Variants in SPAG17 observed in about 807,000 individuals in gnomAD.
SPAG17 encodes the protein sperm associated antigen 17.
SPAG17 carries 169 observed loss-of-function variants against 273.6 expected under a neutral mutation model. The observed-to-expected ratio is 0.62, with a 90% CI of 0.55 to 0.70. The LOEUF (loss-of-function observed/expected upper bound fraction) is 0.70. Ranked by LOEUF, SPAG17 falls within the 30% of genes least tolerant of loss-of-function variation. The pLI is 0.00. For synonymous variants in SPAG17, 825 were observed against 873.2 expected, an observed-to-expected ratio of 0.94 and a Z score of 0.97; for missense variants, 2,557 against 2,627.8, an observed-to-expected ratio of 0.97 and a Z score of 0.59.
At chr1:118,069,344 C>CAAAAAAAAAAA (rs563980015) in intron 17 of SPAG17, among the ~76,000 whole-genome samples, 3 of 86,174 alleles carry the variant, frequency 3.5e-5, no homozygotes, top group Admixed American at 1.2e-4. Context: ...GACTCCGTCT[C>CAAAAAAAAAAA]AAAAAAAAAA....
At chr1:118,021,164 T>C (rs1660460201) in intron 28 of SPAG17, among the ~76,000 whole-genome samples, 1 of 152,198 alleles carries the variant, frequency 6.6e-6, no homozygotes, top group Admixed American at 6.5e-5. Flanking sequence ...ATATTATCTA[T>C]AATATTTCAT....
At chr1:117,972,424 G>C (rs750670941) in intron 44 of SPAG17, among the ~76,000 whole-genome samples, 122 of 152,240 alleles carry the variant, frequency 8.0e-4, no homozygotes, top group Non-Finnish European at 6.0e-4. Context: ...TTTACCCCCA[G>C]AGTTTTTCAT....
At chr1:117,973,335 C>T (rs968828075) in intron 44 of SPAG17, 90 bp downstream of exon 44, 2 of 1,492,012 alleles carry the variant, frequency 1.3e-6, no homozygotes, top group South Asian at 1.3e-5. Flanking sequence ...ATAAAATCTA[C>T]AAAAGGAGCA....
In SPAG17 at chr1:118,016,110, T is replaced by A. The variant is rs1283944005; in HGVS notation, c.4142A>T (p.Gln1381Leu). Residue 1381 changes from glutamine (Q) to leucine (L), a missense_variant, in exon 29 of 49, where the codon CAA becomes CTA. Transcript: ENST00000336338. Reference protein sequence around the residue: ...EIHDPPPEAVQTVTPVEVHIG... With the variant: ...EIHDPPPEAVLTVTPVEVHIG... Reference sequence around the variant, plus strand: ...GTGAACCTCCACAGGAGTTACAGTTTGAACTGCCTCTGGAGGAGGGTCATG... The same window carrying A: ...GTGAACCTCCACAGGAGTTACAGTTAGAACTGCCTCTGGAGGAGGGTCATG... The A allele has an allele frequency of 1.2e-6, 2 of 1,614,100 alleles. No individual in the cohort carries two copies. Among genetic ancestry groups the A allele is most frequent in the East Asian group, 4.5e-5 (2 of 44,878 alleles).
At chr1:118,092,285 T>C (rs1034221859) in intron 8 of SPAG17, among the ~76,000 whole-genome samples, 1 of 152,156 alleles carries the variant, frequency 6.6e-6, no homozygotes, top group East Asian at 1.9e-4. Context: ...CAGGTTTTTC[T>C]TTTTTCCCCT....
At chr1:118,094,525 G>A (rs149646170) in intron 7 of SPAG17, among the ~76,000 whole-genome samples, 12 of 152,244 alleles carry the variant, frequency 7.9e-5, no homozygotes, top group East Asian at 3.9e-4. Context: ...AATGCTTTCC[G>A]CCAATCAAAG....
intron 1 of SPAG17, among the ~76,000 whole-genome samples, chr1:118,174,804 G>T (rs929344493): frequency 6.6e-6 from 1 of 152,072 alleles, no homozygotes; most frequent in Admixed American, 6.6e-5. Context: ...GAAGGCACTG[G>T]GATGATATAT....
intron 23 of SPAG17, among the ~76,000 whole-genome samples, chr1:118,037,647 C>T (rs1241252839): frequency 2.0e-5 from 3 of 152,128 alleles, no homozygotes; most frequent in East Asian, 1.9e-4. Context: ...TAATGGCCTC[C>T]GCTGCATCCA....
At chr1:118,148,660 C>T (rs2102343558) in intron 3 of SPAG17, among the ~76,000 whole-genome samples, 1 of 152,328 alleles carries the variant, frequency 6.6e-6, no homozygotes, top group African/African-American at 2.4e-5. Flanking sequence ...CCCCACCCGA[C>T]CCAGAAGCCT....
At position 118,036,984 on chromosome 1, in the gene SPAG17, C is replaced by T. The variant is rs549947305; in HGVS notation, c.3320-101G>A. On this transcript the variant is annotated intron_variant, in intron 23 of 48. Coordinates refer to ENST00000336338, the MANE Select transcript of SPAG17 (RefSeq NM_206996.4). The stretch of plus-strand genomic sequence containing the variant: ...GGGAATGGAGTTCATAGCTGCTCTA[C>T]CACAATCAACTTAAAAAATAATTGG... 2.2e-4 allele frequency: 163 copies of T among 754,514 alleles called. 3 individuals carry two copies. The South Asian group carries it at 2.8e-3, about 13-fold the overall frequency. The allele number at this position is 754,514 out of a possible 1,614,324, so 46.7% of individuals were successfully genotyped here.
At chr1:118,018,685 A>T (rs537486182) in intron 28 of SPAG17, among the ~76,000 whole-genome samples, 4 of 151,744 alleles carry the variant, frequency 2.6e-5, no homozygotes, top group African/African-American at 9.7e-5. Context: ...AAAAAAAAAA[A>T]TTGCTGAGCA....
rs1653912429 is a variant in SPAG17 at position 118,074,545 on chromosome 1, A to G, written c.2265T>C (p.His755=). The G allele has an allele frequency of 1.2e-6, 2 of 1,613,230 alleles. No homozygotes were observed. The highest frequency in any genetic ancestry group is 1.3e-5 in the African/African-American group (1 of 75,000). Residue 755 remains histidine (H), a synonymous_variant, in exon 16 of 49, where the codon CAT becomes CAC. Coordinates refer to ENST00000336338, the MANE Select transcript of SPAG17 (RefSeq NM_206996.4). ...KDDAVTKADS[H]EKKPKKMMVE... The stretch of plus-strand genomic sequence containing the variant: ...CAGAAAAATAATTCCTTACCTTTTC[A>G]TGAGAATCAGCCTTTGTGACTGCAT...
intron 32 of SPAG17, among the ~76,000 whole-genome samples, chr1:117,997,298 C>T (rs1456169779): frequency 6.6e-6 from 1 of 151,856 alleles, no homozygotes; most frequent in Non-Finnish European, 1.5e-5. Context: ...GAAGGGGATG[C>T]CCAAGAGGAG....
chr1:117,984,732 A>C lies in SPAG17; in HGVS notation c.5720T>G (p.Ile1907Arg). 6.2e-7 allele frequency: 1 copy of C among 1,611,888 alleles called. No homozygotes were observed. The highest frequency in any genetic ancestry group is 8.5e-7 in the Non-Finnish European group (1 of 1,178,396). ...QNYLMDIKNR[I>R]IPPFFKSELN... is the part of the protein sequence containing the mutation. ...TTCAGATTTAAAAAAGGGTGGTATT[A>C]TGCGGTTCTTAATATCCATTAGGTA... Residue 1907 changes from isoleucine to arginine, a missense_variant, in exon 41 of 49, where the codon ATA (isoleucine) becomes AGA (arginine). Coordinates refer to ENST00000336338, the MANE Select transcript of SPAG17 (RefSeq NM_206996.4).
rs145718576 is a variant in SPAG17, at chr1:118,046,783, G to T, written c.2815-4741C>A. ...AAATAGAATTCTTTTTTTGTGTGTG[G>T]GGGGAATAACATTTCACTTATTTAG... On this transcript the variant is annotated intron_variant, in intron 20 of 48. Transcript: ENST00000336338. Among the ~76,000 whole-genome samples the T allele has an allele frequency of 7.8e-3, 1,189 of 152,120 alleles. 6 individuals are homozygous for T. Among genetic ancestry groups the T allele is most frequent in the Non-Finnish European group, 0.013 (883 of 67,976 alleles).
chr1:118,039,381 T>A lies in SPAG17; in HGVS notation c.3230A>T (p.Asp1077Val). Residue 1077 changes from aspartate (D) to valine (V), a missense_variant, in exon 23 of 49, where the codon GAC becomes GTC. Physicochemically the swap from Asp to Val is radical, Grantham distance 152. Transcript: ENST00000336338. ...TTCCTTTTTCACAATTTCCTTAGGG[T>A]CATTTAAATGAATCATAAAATTGTG... ...DNHNFMIHLN[D>V]PKEIVKKEEK... is the part of the protein sequence containing the mutation. 1.2e-6 allele frequency: 2 copies of A among 1,613,484 alleles called. No homozygotes were observed. Among genetic ancestry groups the A allele is most frequent in the Non-Finnish European group, 1.7e-6 (2 of 1,179,628 alleles).
At chr1:118,040,949 A>G in intron 21 of SPAG17, 108 bp from the exon 22 acceptor site, 1 of 727,590 alleles carries the variant, frequency 1.4e-6, no homozygotes, top group Non-Finnish European at 2.5e-6. Context: ...CTGCTAAGTG[A>G]TATGTCTGTC....
intron 31 of SPAG17, 31 bp from the exon 32 acceptor site, chr1:118,005,633 T>G: frequency 7.3e-7 from 1 of 1,375,070 alleles, no homozygotes; most frequent in African/African-American, 1.5e-5. Flanking sequence ...CAGAAATTAT[T>G]AAAATTTTCT....
chr1:117,959,001 C>T (rs769282108), intron 48 of SPAG17: 15 of 1,613,102 alleles, frequency 9.3e-6, no homozygotes, highest in Admixed American at 3.3e-5. Flanking sequence ...CAGCCAAGTC[C>T]GGGTAAGTGT....
Sources: allele counts gnomAD v4.1 joint callset (sites outside exome capture counted in the v4.1 genomes callset), GRCh38; gene constraint gnomAD v4.1.1; transcripts MANE v1.5; gene names NCBI Gene and HGNC (gene_info 2026-07-23, HGNC 2026-07-21).